Variants in RAMP1 observed in about 807,000 individuals in gnomAD.
The protein encoded by RAMP1 is receptor activity modifying protein 1.
In RAMP1, 7 loss-of-function variants were observed where a neutral mutation model predicts 8.2. The ratio of observed to expected loss-of-function variants is 0.85; its 90% CI spans 0.49 to 1.60. The LOEUF (loss-of-function observed/expected upper bound fraction) is 1.60, where lower values mean the gene tolerates loss of function less well. RAMP1 is among the 40% of genes most tolerant of loss of function. The pLI is 0.00. For missense variants in RAMP1, 192 were observed against 202.4 expected (o/e 0.95, Z 0.31); for synonymous variants, 92 against 84.7 (o/e 1.09, Z -0.47).
At chr2:237,893,478 T>C (rs1000488882) in intron 2 of RAMP1, among the ~76,000 whole-genome samples, 1 of 152,208 alleles carries the variant, frequency 6.6e-6, no homozygotes, top group African/African-American at 2.4e-5. Flanking sequence ...TCCGGCACCC[T>C]CCTCTGTCCC....
chr2:237,864,638 C>T (rs1282569494), intron 1 of RAMP1, among the ~76,000 whole-genome samples: 1 of 152,236 alleles, frequency 6.6e-6, no homozygotes, highest in African/African-American at 2.4e-5. Flanking sequence ...GGGCAAAGGA[C>T]AGGGGTGCAG....
chr2:237,904,797 C>A (rs1413742667), intron 2 of RAMP1, among the ~76,000 whole-genome samples: 1 of 152,120 alleles, frequency 6.6e-6, no homozygotes, highest in Non-Finnish European at 1.5e-5. Flanking sequence ...GAGACTAAGA[C>A]TTGAACAAGC....
At chr2:237,892,401 G>T (rs1422147280) in intron 2 of RAMP1, among the ~76,000 whole-genome samples, 1 of 151,258 alleles carries the variant, frequency 6.6e-6, no homozygotes, top group African/African-American at 2.4e-5. Context: ...TGGAACTACA[G>T]GCATGCACCA....
intron 2 of RAMP1, among the ~76,000 whole-genome samples, chr2:237,883,588 G>A (rs1166776051): frequency 6.6e-6 from 1 of 152,222 alleles, no homozygotes; most frequent in Non-Finnish European, 1.5e-5. Context: ...GGCCAAGGCA[G>A]AAGAATTACT....
intron 2 of RAMP1, among the ~76,000 whole-genome samples, chr2:237,903,913 T>C (rs895960410): frequency 6.6e-6 from 1 of 152,116 alleles, no homozygotes; most frequent in African/African-American, 2.4e-5. Context: ...CCATTTTGTA[T>C]TTTTTTGTAG....
intron 1 of RAMP1, among the ~76,000 whole-genome samples, chr2:237,872,411 G>A (rs957173474): frequency 2.6e-5 from 4 of 152,154 alleles, no homozygotes; most frequent in Non-Finnish European, 4.4e-5. Context: ...TGGGACTCAC[G>A]CGTGCCCAGT....
intron 2 of RAMP1, among the ~76,000 whole-genome samples, chr2:237,908,998 CCTGGCATCACA>C (rs529890917): frequency 2.7e-3 from 410 of 152,260 alleles, no homozygotes; most frequent in Non-Finnish European, 4.4e-3. Context: ...CCACAGCAAG[CCTGGCATCACA>C]CTGGCATCAT....
chr2:237,904,232 T>C (rs1014922399), intron 2 of RAMP1, among the ~76,000 whole-genome samples: 3 of 148,008 alleles, frequency 2.0e-5, no homozygotes, highest in African/African-American at 7.5e-5. Flanking sequence ...GCTAACACGG[T>C]GAAACCCCGT....
intron 2 of RAMP1, among the ~76,000 whole-genome samples, chr2:237,902,202 C>A (rs947103448): frequency 1.3e-5 from 2 of 151,788 alleles, no homozygotes; most frequent in Non-Finnish European, 2.9e-5. Context: ...GTGAGGATGC[C>A]CCACTGCCAC....
chr2:237,858,982 CCAT>C (rs2062104992), upstream of RAMP1: 1 of 153,140 alleles, frequency 6.5e-6, no homozygotes, highest in East Asian at 1.9e-4. The surrounding 1 kb of genome is among the most constrained non-coding windows in gnomAD (Gnocchi z 4.4). Context: ...CGCTACCTAC[CCAT>C]CAACAGCAAG....
chr2:237,859,521 G>A, upstream of RAMP1: 1 of 293,704 alleles, frequency 3.4e-6, no homozygotes, highest in Non-Finnish European at 5.1e-6. Flanking sequence ...ACCCACGCGG[G>A]GAGCCGCAGT....
At chr2:237,896,503 C>G (rs998276570) in intron 2 of RAMP1, among the ~76,000 whole-genome samples, 2 of 152,250 alleles carry the variant, frequency 1.3e-5, no homozygotes, top group Non-Finnish European at 1.5e-5. Context: ...TGGACCGTTC[C>G]CCAGTCTGCA....
At chr2:237,869,381 A>C (rs1398374070) in intron 1 of RAMP1, among the ~76,000 whole-genome samples, 1 of 152,162 alleles carries the variant, frequency 6.6e-6, no homozygotes, top group African/African-American at 2.4e-5. Flanking sequence ...GCCACTATCC[A>C]TCCCTAGAAG....
At chr2:237,906,612 CT>C (rs2062653947) in intron 2 of RAMP1, among the ~76,000 whole-genome samples, 1 of 150,772 alleles carries the variant, frequency 6.6e-6, no homozygotes, top group Non-Finnish European at 1.5e-5. Flanking sequence ...ATCTCAAACT[CT>C]TTCTTATCAC....
chr2:237,859,597 C>A (rs1333392950), upstream of RAMP1: 3 of 1,112,454 alleles, frequency 2.7e-6, no homozygotes, highest in African/African-American at 3.3e-5. Flanking sequence ...GGCGCGTCTC[C>A]TCCGGGCCCG....
intron 2 of RAMP1, among the ~76,000 whole-genome samples, chr2:237,910,950 CACAG>C (rs1273217903): frequency 2.7e-5 from 4 of 150,790 alleles, no homozygotes; most frequent in Non-Finnish European, 5.9e-5. Context: ...CAGTCACACA[CACAG>C]AGTCACACAC....
intron 2 of RAMP1, among the ~76,000 whole-genome samples, chr2:237,896,061 G>A (rs551790314): frequency 6.6e-6 from 1 of 152,326 alleles, no homozygotes; most frequent in Admixed American, 6.5e-5. Context: ...ACAGCTCAGC[G>A]ATCTCCCAGC....
chr2:237,910,243 C>T (rs74765606), intron 2 of RAMP1, among the ~76,000 whole-genome samples: 2,731 of 152,004 alleles, frequency 0.018, 28 homozygotes, highest in Non-Finnish European at 0.026. Flanking sequence ...ATAACAGTTA[C>T]ACCCACACAC....
intron 2 of RAMP1, among the ~76,000 whole-genome samples, chr2:237,900,147 T>C (rs2062583218): frequency 6.6e-6 from 1 of 152,202 alleles, no homozygotes; most frequent in Admixed American, 6.5e-5. Flanking sequence ...CTTTTCTGTT[T>C]TTTGTTTTTT....
Sources: gnomAD v4.1 joint callset for allele counts (sites outside exome capture counted in the v4.1 genomes callset) on GRCh38, gnomAD v4.1.1 for gene constraint, Gnocchi (gnomAD v3.1) non-coding constraint, MANE v1.5 for transcripts, NCBI Gene and HGNC (gene_info 2026-07-23, HGNC 2026-07-21) for gene names.